The following DIAPH3 variants were observed in gnomAD, a reference collection of about 807,000 sequenced individuals.
The protein encoded by DIAPH3 is protein diaphanous homolog 3.
DIAPH3 carries 117 observed loss-of-function variants against 144.3 expected under a neutral mutation model. The observed-to-expected ratio is 0.81, with a 90% CI of 0.70 to 0.95. DIAPH3 has a LOEUF of 0.95. DIAPH3 is among the 40% of genes least tolerant of loss of function. The probability of loss-of-function intolerance (pLI) is 0.00; values close to 1 mark genes in which losing one functional copy is unlikely to be tolerated. For synonymous variants in DIAPH3, 519 were observed against 488.9 expected (o/e 1.06, Z -0.81); for missense variants, 1,421 against 1,412.7 (o/e 1.01, Z -0.09).
intron 25 of DIAPH3, among the ~76,000 whole-genome samples, chr13:59,804,391 T>G (rs949056357): frequency 3.3e-5 from 5 of 152,156 alleles, no homozygotes; most frequent in Non-Finnish European, 5.9e-5. Context: ...AATAGCACAA[T>G]AGTTAAAAAT....
chr13:60,113,566 G>T (rs2058626777), intron 2 of DIAPH3, among the ~76,000 whole-genome samples: 1 of 152,058 alleles, frequency 6.6e-6, no homozygotes, highest in African/African-American at 2.4e-5. Flanking sequence ...CTTTCTGTAG[G>T]ATTTAGAAAG....
chr13:59,845,842 A>G (rs2042600175), intron 22 of DIAPH3, among the ~76,000 whole-genome samples: 1 of 152,152 alleles, frequency 6.6e-6, no homozygotes, highest in South Asian at 2.1e-4. Flanking sequence ...CCTCTCCCAA[A>G]TGGCTGGGAA....
rs1352472611 is a variant in DIAPH3 at position 60,015,994 on chromosome 13, T to C, written c.702-12A>G. The C allele has an allele frequency of 3.1e-6, 5 of 1,612,144 alleles. No homozygotes were observed. The African/African-American group carries it at 6.7e-5, about 22-fold the overall frequency. ...CAACTTTTTCTTGGCTGTATTGACA[T>C]AAAAAATAGCAGTGTTGGAATTATA... On this transcript the variant is annotated splice_polypyrimidine_tract_variant and intron_variant, in intron 6 of 27. Coordinates refer to ENST00000400324, the MANE Select transcript of DIAPH3 (RefSeq NM_001042517.2).
At chr13:59,703,165 C>T (rs2034210661) in intron 27 of DIAPH3, among the ~76,000 whole-genome samples, 1 of 152,206 alleles carries the variant, frequency 6.6e-6, no homozygotes. Flanking sequence ...TGATGGAGCA[C>T]TTGAAATGGC....
chr13:59,736,930 G>A (rs1157045474), intron 27 of DIAPH3, among the ~76,000 whole-genome samples: 1 of 152,160 alleles, frequency 6.6e-6, no homozygotes, highest in Non-Finnish European at 1.5e-5. Flanking sequence ...AAATGGTGAT[G>A]GGATAAGTAG....
intron 5 of DIAPH3, among the ~76,000 whole-genome samples, chr13:60,028,524 T>C (rs1201290174): frequency 1.3e-5 from 2 of 152,076 alleles, no homozygotes; most frequent in African/African-American, 2.4e-5. Context: ...CCTCTTCCCT[T>C]TCTGGATCAC....
At chr13:60,027,638 T>C (rs966963575) in intron 5 of DIAPH3, among the ~76,000 whole-genome samples, 7 of 152,112 alleles carry the variant, frequency 4.6e-5, no homozygotes, top group South Asian at 2.1e-4. Context: ...TTTTAAAACA[T>C]AGATACTGGT....
rs1224122567 is a variant in DIAPH3 at position 60,111,824 on chromosome 13, A to G, written c.390+186T>C. On this transcript the variant is annotated intron_variant, in intron 3 of 27. Coordinates refer to ENST00000400324, the MANE Select transcript of DIAPH3 (RefSeq NM_001042517.2). ...ACTCTTTACAAAACCAAAACCTGGT[A>G]TGTTGTTTTTCTTCAGATTTCATAT... Among the ~76,000 whole-genome samples, 3 of 152,198 alleles carry G rather than the reference A, an allele frequency of 2.0e-5. No homozygotes were observed. The South Asian group carries it at 6.2e-4, about 32-fold the overall frequency.
intron 27 of DIAPH3, among the ~76,000 whole-genome samples, chr13:59,767,020 G>C (rs1044961124): frequency 6.6e-6 from 1 of 152,056 alleles, no homozygotes; most frequent in African/African-American, 2.4e-5. Flanking sequence ...GTGGCTCCTA[G>C]GGGAGAACGC....
chr13:59,776,051 T>C (rs2038397955), intron 25 of DIAPH3, among the ~76,000 whole-genome samples: 1 of 152,228 alleles, frequency 6.6e-6, no homozygotes, highest in Non-Finnish European at 1.5e-5. Context: ...CTTTATGAAA[T>C]TGTATGGCTG....
At chr13:59,795,494 G>GC (rs2039548336) in intron 25 of DIAPH3, among the ~76,000 whole-genome samples, 1 of 134,588 alleles carries the variant, frequency 7.4e-6, no homozygotes, top group South Asian at 2.5e-4. Context: ...TCGCTCTCCC[G>GC]CCCAGGCTGG....
intron 17 of DIAPH3, among the ~76,000 whole-genome samples, chr13:59,958,338 A>G (rs981711372): frequency 6.6e-6 from 1 of 152,180 alleles, no homozygotes; most frequent in Admixed American, 6.5e-5. Context: ...ATTCAAGTAA[A>G]AATATGTTGT....
At chr13:60,032,915 C>T (rs571259381) in intron 5 of DIAPH3, among the ~76,000 whole-genome samples, 1 of 152,208 alleles carries the variant, frequency 6.6e-6, no homozygotes, top group African/African-American at 2.4e-5. Flanking sequence ...AATTTCTTTG[C>T]TCCAACATTG....
At chr13:59,947,761 C>T (rs1271026400) in intron 17 of DIAPH3, among the ~76,000 whole-genome samples, 1 of 151,348 alleles carries the variant, frequency 6.6e-6, no homozygotes, top group East Asian at 1.9e-4. Context: ...AAACCACAAT[C>T]GTTTTGCATG....
At chr13:59,792,253 G>A (rs1175167182) in intron 25 of DIAPH3, among the ~76,000 whole-genome samples, 1 of 152,138 alleles carries the variant, frequency 6.6e-6, no homozygotes, top group African/African-American at 2.4e-5. Flanking sequence ...GATCAAAGCT[G>A]CTATGTCAGG....
At chr13:59,913,383 T>C (rs560522976) in intron 19 of DIAPH3, among the ~76,000 whole-genome samples, 1 of 152,298 alleles carries the variant, frequency 6.6e-6, no homozygotes, top group Non-Finnish European at 1.5e-5. Context: ...CAGGCACGCA[T>C]GCCCAGCTTC....
chr13:59,939,088 T>C (rs957756484), intron 17 of DIAPH3, among the ~76,000 whole-genome samples: 1 of 152,156 alleles, frequency 6.6e-6, no homozygotes, highest in Non-Finnish European at 1.5e-5. Flanking sequence ...AAATTTTGCT[T>C]TGTCAAATGA....
chr13:60,071,878 T>G (rs2057221825), intron 4 of DIAPH3, among the ~76,000 whole-genome samples: 1 of 152,138 alleles, frequency 6.6e-6, no homozygotes, highest in South Asian at 2.1e-4. Context: ...CTCTTTTATC[T>G]TCAATCTCTT....
chr13:59,713,825 T>C (rs928023926), intron 27 of DIAPH3, among the ~76,000 whole-genome samples: 10 of 152,312 alleles, frequency 6.6e-5, no homozygotes, highest in African/African-American at 2.4e-4. Context: ...TCTTTGGACA[T>C]AGCTGTGTGT....
Sources: gnomAD v4.1 joint callset for allele counts (sites outside exome capture counted in the v4.1 genomes callset) on GRCh38, gnomAD v4.1.1 for gene constraint, MANE v1.5 for transcripts, NCBI Gene and HGNC (gene_info 2026-07-23, HGNC 2026-07-21) for gene names.